Variants in ZFPM1 observed in about 807,000 individuals in gnomAD.
ZFPM1 encodes zinc finger protein ZFPM1.
In ZFPM1, 28 loss-of-function variants were observed where a neutral mutation model predicts 46.3. That is an observed-to-expected ratio of 0.60 (90% CI 0.45 to 0.83). The LOEUF (loss-of-function observed/expected upper bound fraction) is 0.83, where lower values mean the gene tolerates loss of function less well. Ranked by LOEUF, ZFPM1 falls within the 40% of genes least tolerant of loss-of-function variation. The pLI is 0.00. For synonymous variants in ZFPM1, 957 were observed against 675.9 expected (o/e 1.42, Z -6.45); for missense variants, 1,878 against 1,432.4 (o/e 1.31, Z -5.02).
intron 3 of ZFPM1, among the ~76,000 whole-genome samples, chr16:88,494,557 G>A (rs900219076): frequency 3.9e-5 from 6 of 152,194 alleles, no homozygotes; most frequent in African/African-American, 1.4e-4. Context: ...GGGAAACAGG[G>A]AGGGGGCTGA....
Position 88,507,514 on chromosome 16 carries a change from T to C in ZFPM1, c.269-6873T>C, listed in dbSNP as rs575140324. Among the ~76,000 whole-genome samples the C allele has an allele frequency of 2.7e-3, 412 of 152,318 alleles. 1 individual carries two copies. The highest frequency in any genetic ancestry group is 9.2e-3 in the African/African-American group (383 of 41,576). On this transcript the variant is annotated intron_variant, in intron 3 of 9. Transcript: ENST00000319555. ...CTCCTGGTCCTAGACCTGGGCTGCC[T>C]GGGTGTGTCAGCCTTCTCCATGCCC...
chr16:88,509,057 C>G (rs1240090476), intron 3 of ZFPM1, among the ~76,000 whole-genome samples: 1 of 152,178 alleles, frequency 6.6e-6, no homozygotes, highest in Non-Finnish European at 1.5e-5. Context: ...CCGCTCGCCC[C>G]TCTGGCCTCG....
At chr16:88,461,024 AGGCCTGGTGAG>A in intron 1 of ZFPM1, among the ~76,000 whole-genome samples, 6 of 95,748 alleles carry the variant, frequency 6.3e-5, no homozygotes, top group African/African-American at 2.7e-4. Context: ...GTGGGGCGGG[AGGCCTGGTGAG>A]GACCGAGGGG....
intron 3 of ZFPM1, among the ~76,000 whole-genome samples, chr16:88,495,505 C>T (rs898052253): frequency 2.0e-5 from 3 of 152,214 alleles, no homozygotes; most frequent in Non-Finnish European, 4.4e-5. Flanking sequence ...GAGGAGGTGC[C>T]TGGTCTGCTG....
intron 1 of ZFPM1, among the ~76,000 whole-genome samples, chr16:88,479,915 C>A (rs1451485586): frequency 6.7e-6 from 1 of 148,848 alleles, no homozygotes; most frequent in African/African-American, 2.5e-5. Context: ...CCCACTCACA[C>A]CCCCCGCCGA....
At chr16:88,488,062 G>A (rs1334813557) in intron 2 of ZFPM1, among the ~76,000 whole-genome samples, 1 of 152,198 alleles carries the variant, frequency 6.6e-6, no homozygotes, top group African/African-American at 2.4e-5. Context: ...TGAGCTGGGT[G>A]CGAGTCCCTT....
chr16:88,526,696 G>T, intron 4 of ZFPM1, 118 bp from the exon 5 acceptor site: 3 of 1,109,428 alleles, frequency 2.7e-6, no homozygotes, highest in Non-Finnish European at 2.6e-6. Flanking sequence ...TCCACAGCTT[G>T]GCCTACCAGC....
At chr16:88,495,771 C>T (rs1909896929) in intron 3 of ZFPM1, among the ~76,000 whole-genome samples, 1 of 152,128 alleles carries the variant, frequency 6.6e-6, no homozygotes, top group Non-Finnish European at 1.5e-5. Context: ...TGGCCAGGAG[C>T]CCACTTGGGG....
chr16:88,490,531 C>T (rs1300724510), intron 3 of ZFPM1, among the ~76,000 whole-genome samples: 1 of 152,226 alleles, frequency 6.6e-6, no homozygotes, highest in Non-Finnish European at 1.5e-5. Context: ...AGAGGGACCA[C>T]ATTCCTTCCC....
At position 88,457,886 on chromosome 16, in the gene ZFPM1, G is replaced by A. The variant is rs531760305; in HGVS notation, c.40+4208G>A. 3.3e-5 allele frequency among the ~76,000 whole-genome samples: 5 copies of A among 152,234 alleles called. No individual in the cohort carries two copies. The East Asian group carries it at 9.7e-4, about 29-fold the overall frequency. On this transcript the variant is annotated intron_variant, in intron 1 of 9. Coordinates refer to ENST00000319555, the MANE Select transcript of ZFPM1 (RefSeq NM_153813.3). ...ACTCCAGCAGGGTCTGGCGGACCCC[G>A]GAGTCCACGCCGTCACCCAGCTCTG...
intron 1 of ZFPM1, among the ~76,000 whole-genome samples, chr16:88,457,970 A>G (rs777017990): frequency 3.3e-5 from 5 of 152,152 alleles, no homozygotes; most frequent in Non-Finnish European, 5.9e-5. Context: ...GCTCATGATC[A>G]TTTGATGGTA....
intron 1 of ZFPM1, among the ~76,000 whole-genome samples, chr16:88,467,284 C>T (rs560334323): frequency 6.6e-6 from 1 of 152,274 alleles, no homozygotes; most frequent in African/African-American, 2.4e-5. Flanking sequence ...AGCATCTGTC[C>T]CCATGGCCCT....
At chr16:88,457,066 A>C (rs1394419146) in intron 1 of ZFPM1, among the ~76,000 whole-genome samples, 1 of 152,234 alleles carries the variant, frequency 6.6e-6, no homozygotes, top group Non-Finnish European at 1.5e-5. Flanking sequence ...AATTCACTCC[A>C]AGCTTCAAAG....
At chr16:88,509,471 CTGGA>C (rs1309718738) in intron 3 of ZFPM1, among the ~76,000 whole-genome samples, 52 of 152,366 alleles carry the variant, frequency 3.4e-4, no homozygotes, top group South Asian at 6.2e-4. Flanking sequence ...AGGCTGGCCC[CTGGA>C]AGGCGGGAAG....
Position 88,526,799 on chromosome 16 carries a change from A to ACCCCC in ZFPM1, c.403-12_403-11insCCCCC. Reference sequence around the variant, plus strand: ...GACGGACCCCTCCCCACGTGTTCCTACCCTCCCCCCCCAGAGCCCAGCCCT... The same window carrying ACCCCC: ...GACGGACCCCTCCCCACGTGTTCCTACCCCCCCCTCCCCCCCCAGAGCCCAGCCCT... On this transcript the variant is annotated splice_polypyrimidine_tract_variant and intron_variant, in intron 4 of 9. Coordinates refer to ENST00000319555, the MANE Select transcript of ZFPM1 (RefSeq NM_153813.3). 8.4e-7 allele frequency: 1 copy of ACCCCC among 1,196,686 alleles called. No individual in the cohort carries two copies. Among genetic ancestry groups the ACCCCC allele is most frequent in the South Asian group, 1.7e-5 (1 of 58,830 alleles). The allele number at this position is 1,196,686 out of a possible 1,614,324, so 74.1% of individuals were successfully genotyped here.
In ZFPM1 at chr16:88,534,834, C is replaced by T. The variant is rs1024582981; in HGVS notation, c.2876C>T (p.Thr959Ile). ...TCCTACTCGGACAAGGGCGTCCAGA[C>T]TCCCAGCAAGGGCACGCCGGCGCCG... is the stretch of plus-strand genomic sequence containing the variant. Reference protein sequence around the residue: ...PPSYSDKGVQTPSKGTPAPLP... With the variant: ...PPSYSDKGVQIPSKGTPAPLP... Residue 959 changes from threonine to isoleucine, a missense_variant, in exon 10 of 10, where the codon ACT becomes ATT. By Grantham distance (89) the Thr-to-Ile change is moderately conservative (BLOSUM62 -1). Transcript: ENST00000319555. 6 of 1,550,452 alleles carry T rather than the reference C, an allele frequency of 3.9e-6. No homozygotes were observed. The highest frequency in any genetic ancestry group is 5.2e-6 in the Non-Finnish European group (6 of 1,156,114).
In ZFPM1 at chr16:88,533,566, GCCC is replaced by G; in HGVS notation, c.1612_1614del (p.Pro538del). On this transcript the variant is annotated inframe_deletion, in exon 10 of 10. Coordinates refer to ENST00000319555, the MANE Select transcript of ZFPM1 (RefSeq NM_153813.3). ...AGTACGTGTTCGGGCCCGACGCGGC[GCCC>G]CCCGCCTCGGAGATCCTGGCCAAGA... 6.7e-7 allele frequency: 1 copy of G among 1,484,364 alleles called. No individual in the cohort carries two copies. The allele number at this position is 1,484,364 out of a possible 1,614,324, so 91.9% of individuals were successfully genotyped here.
intron 1 of ZFPM1, among the ~76,000 whole-genome samples, chr16:88,462,737 C>G (rs1381420576): frequency 1.3e-5 from 2 of 152,216 alleles, no homozygotes; most frequent in African/African-American, 4.8e-5. Flanking sequence ...GCCTCAGTCT[C>G]CATCTCTGCA....
Position 88,533,372 on chromosome 16 carries a change from G to A in ZFPM1, c.1414G>A (p.Ala472Thr), listed in dbSNP as rs546990479. The A allele has an allele frequency of 2.6e-6, 4 of 1,529,272 alleles. No homozygotes were observed. The highest frequency in any genetic ancestry group is 2.4e-5 in the South Asian group (2 of 83,486). 94.7% of individuals were successfully genotyped at this position (1,529,272 alleles called of 1,614,324 possible). A position where few individuals can be genotyped will look rare whatever the true frequency, so the allele number is the denominator to read the frequency against. ...GGTGGAGGCGGTGGAGGAGCCGGAG[G>A]CGGCCCCCATCCTGGGCCCCGGAGA... is the stretch of plus-strand genomic sequence containing the variant. ...IKVEAVEEPE[A>T]APILGPGEPG... is the part of the protein sequence containing the mutation. The change falls in exon 10 of 10, where the codon GCG becomes ACG. Residue 472 changes from alanine to threonine, a missense_variant. Transcript: ENST00000319555.
Sources: allele counts gnomAD v4.1 joint callset (sites outside exome capture counted in the v4.1 genomes callset), GRCh38; gene constraint gnomAD v4.1.1; transcripts MANE v1.5; gene names NCBI Gene and HGNC (gene_info 2026-07-23, HGNC 2026-07-21).